KCNK13: variants seen among roughly 807,000 people sequenced by gnomAD.
KCNK13 encodes the protein potassium channel subfamily K member 13.
Under a neutral mutation model 23.4 loss-of-function variants are expected in KCNK13, and 12 were observed. The observed-to-expected ratio is 0.51, with a 90% CI of 0.33 to 0.83. The LOEUF (loss-of-function observed/expected upper bound fraction) is 0.83, where lower values mean the gene tolerates loss of function less well. Ranked by LOEUF, KCNK13 falls within the 40% of genes least tolerant of loss-of-function variation. The pLI, the probability that KCNK13 is intolerant of heterozygous loss-of-function variation, is 0.02. For missense variants in KCNK13, 463 were observed against 556.3 expected (o/e 0.83, Z 1.69); for synonymous variants, 231 against 229.5 (o/e 1.01, Z -0.06).
At chr14:90,169,969 A>G (rs1890346009) in intron 1 of KCNK13, among the ~76,000 whole-genome samples, 1 of 152,174 alleles carries the variant, frequency 6.6e-6, no homozygotes, top group African/African-American at 2.4e-5. Context: ...GGCTATAAGA[A>G]TAGTGTTTCC....
chr14:90,079,477 G>A lies in KCNK13; in HGVS notation c.334+16938G>A, dbSNP rs146848407. Reference sequence around the variant, plus strand: ...CTCCCACACCAGCCAATCATTGGCTGTGGCTGGTGGGGTAGAGGGGCCTAC... The same window carrying A: ...CTCCCACACCAGCCAATCATTGGCTATGGCTGGTGGGGTAGAGGGGCCTAC... On this transcript the variant is annotated intron_variant, in intron 1 of 1. Transcript: ENST00000282146. 7.2e-3 allele frequency among the ~76,000 whole-genome samples: 1,090 copies of A among 152,290 alleles called. 36 individuals are homozygous for A. Among genetic ancestry groups the A allele is most frequent in the East Asian group, 0.058 (299 of 5,154 alleles).
intron 1 of KCNK13, among the ~76,000 whole-genome samples, chr14:90,064,343 T>G (rs202125693): frequency 1.9e-5 from 1 of 51,706 alleles, no homozygotes; most frequent in Non-Finnish European, 6.5e-5. Flanking sequence ...GTGCTCCCAG[T>G]GGGCACAGAG....
At chr14:90,103,724 G>A (rs1014744789) in intron 1 of KCNK13, among the ~76,000 whole-genome samples, 3 of 151,970 alleles carry the variant, frequency 2.0e-5, no homozygotes, top group Non-Finnish European at 4.4e-5. Flanking sequence ...TACCTTCCCC[G>A]GCTAATTTTT....
chr14:90,141,757 C>G (rs1890008039), intron 1 of KCNK13, among the ~76,000 whole-genome samples: 1 of 145,672 alleles, frequency 6.9e-6, no homozygotes. Context: ...CACGCCCAGC[C>G]TTATGCCCTC....
rs1346217315 is a variant in KCNK13 at position 90,130,451 on chromosome 14, CG to C, written c.335-53658del. Among the ~76,000 whole-genome samples, 5 of 151,978 alleles carry C rather than the reference CG, an allele frequency of 3.3e-5. 1 individual carries two copies. In the East Asian group the frequency reaches 7.9e-4, roughly 24 times the overall value. On this transcript the variant is annotated intron_variant, in intron 1 of 1. Coordinates refer to ENST00000282146, the MANE Select transcript of KCNK13 (RefSeq NM_022054.4). ...CTTATCTCAAATAATCTGCCCGCCT[CG>C]GCCTCCCAAAGTGTTGGGATTACAG... is the stretch of plus-strand genomic sequence containing the variant.
At chr14:90,148,766 G>T (rs1208449682) in intron 1 of KCNK13, among the ~76,000 whole-genome samples, 2 of 152,206 alleles carry the variant, frequency 1.3e-5, no homozygotes, top group Non-Finnish European at 1.5e-5. Context: ...CTTTAGGAAA[G>T]AATGTAATAA....
intron 1 of KCNK13, among the ~76,000 whole-genome samples, chr14:90,159,000 C>T (rs556150533): frequency 1.2e-4 from 18 of 152,258 alleles, no homozygotes; most frequent in Middle Eastern, 3.4e-3. Flanking sequence ...AACAGGATAC[C>T]CTAGACTGGG....
At chr14:90,086,402 T>C (rs1889276550) in intron 1 of KCNK13, among the ~76,000 whole-genome samples, 1 of 152,130 alleles carries the variant, frequency 6.6e-6, no homozygotes, top group Non-Finnish European at 1.5e-5. Context: ...AGCTAGTAGG[T>C]GGTAAAACTT....
chr14:90,091,574 T>C (rs1017128300), intron 1 of KCNK13, among the ~76,000 whole-genome samples: 3 of 152,222 alleles, frequency 2.0e-5, no homozygotes, highest in African/African-American at 7.2e-5. Flanking sequence ...CCCAAAAGCC[T>C]GTTTCTGGGG....
intron 1 of KCNK13, among the ~76,000 whole-genome samples, chr14:90,091,939 T>C (rs971783673): frequency 2.0e-5 from 3 of 151,448 alleles, no homozygotes; most frequent in Non-Finnish European, 4.4e-5. Flanking sequence ...TTTTTTTTTT[T>C]TTTTTGAGAC....
chr14:90,078,184 G>T (rs749819613), intron 1 of KCNK13, among the ~76,000 whole-genome samples: 3 of 152,272 alleles, frequency 2.0e-5, no homozygotes, highest in Admixed American at 6.5e-5. Flanking sequence ...ACTTTGGGAG[G>T]CCGAGGTGGG....
In KCNK13 at chr14:90,107,217, T is replaced by C. The variant is rs189812677; in HGVS notation, c.334+44678T>C. 4.5e-3 allele frequency among the ~76,000 whole-genome samples: 679 copies of C among 152,192 alleles called. 6 individuals are homozygous for C. Among genetic ancestry groups the C allele is most frequent in the African/African-American group, 9.9e-3 (411 of 41,546 alleles). ...CATGTTGGCCGGGCATGGTGGCTCA[T>C]GCCTGTAATCCCAGCACTTCGGGAG... On this transcript the variant is annotated intron_variant, in intron 1 of 1. Coordinates refer to ENST00000282146, the MANE Select transcript of KCNK13 (RefSeq NM_022054.4).
intron 1 of KCNK13, among the ~76,000 whole-genome samples, chr14:90,069,706 A>T (rs1043471912): frequency 1.3e-5 from 2 of 152,162 alleles, no homozygotes; most frequent in African/African-American, 4.8e-5. Flanking sequence ...TGCATTAATG[A>T]TATACATTAA....
intron 1 of KCNK13, among the ~76,000 whole-genome samples, chr14:90,159,424 A>G (rs894755932): frequency 2.0e-5 from 3 of 152,166 alleles, no homozygotes; most frequent in African/African-American, 7.2e-5. Context: ...CCATAAACAC[A>G]ATCAATCAGG....
intron 1 of KCNK13, among the ~76,000 whole-genome samples, chr14:90,084,954 T>A (rs1025053035): frequency 1.2e-4 from 19 of 152,162 alleles, no homozygotes; most frequent in African/African-American, 4.3e-4. Flanking sequence ...ATTTATTTAT[T>A]TATTTTGAGA....
At chr14:90,082,963 A>T (rs999797117) in intron 1 of KCNK13, among the ~76,000 whole-genome samples, 3 of 152,042 alleles carry the variant, frequency 2.0e-5, no homozygotes, top group Non-Finnish European at 4.4e-5. Flanking sequence ...CTCTCTTTGG[A>T]TGTGAAATAG....
At chr14:90,155,451 C>T (rs907381382) in intron 1 of KCNK13, among the ~76,000 whole-genome samples, 39 of 151,954 alleles carry the variant, frequency 2.6e-4, no homozygotes, top group Admixed American at 2.2e-3. Flanking sequence ...TTTGGGGCTA[C>T]GGGGTGTGTG....
In KCNK13 at chr14:90,101,790, C is replaced by CGAAAAAAAAAAAAA. The variant is rs1555402342; in HGVS notation, c.334+39251_334+39252insGAAAAAAAAAAAAA. ...GGGCAACAGAGTGAGACTCCGTCTCCAAAAAAAAAAAAAAAAAAAAAACCT... is the reference window on the plus strand; with the variant it reads ...GGGCAACAGAGTGAGACTCCGTCTCCGAAAAAAAAAAAAAAAAAAAAAAAAAAAAAAAAAAACCT... On this transcript the variant is annotated intron_variant, in intron 1 of 1. Transcript: ENST00000282146. 1.8e-4 allele frequency among the ~76,000 whole-genome samples: 10 copies of CGAAAAAAAAAAAAA among 55,584 alleles called. 1 individual carries two copies. In the East Asian group the frequency reaches 4.5e-3, roughly 25 times the overall value. 36.5% of individuals were successfully genotyped at this position (55,584 alleles called of 152,430 possible).
chr14:90,064,729 G>A (rs892933571), intron 1 of KCNK13, among the ~76,000 whole-genome samples: 3 of 152,192 alleles, frequency 2.0e-5, no homozygotes, highest in South Asian at 2.1e-4. Flanking sequence ...TTGTAAGTGC[G>A]TGCGTGTTAA....
Sources: allele counts gnomAD v4.1 joint callset (sites outside exome capture counted in the v4.1 genomes callset), GRCh38; gene constraint gnomAD v4.1.1; transcripts MANE v1.5; gene names NCBI Gene and HGNC (gene_info 2026-07-23, HGNC 2026-07-21).